Variants in DENND1C observed in about 807,000 individuals in gnomAD.
The protein encoded by DENND1C is DENN domain containing 1C, also known as DENN domain-containing protein 1C.
A neutral mutation model predicts 87.9 loss-of-function variants in DENND1C; 64 were observed. The ratio of observed to expected loss-of-function variants is 0.73; its 90% confidence interval spans 0.60 to 0.90. The LOEUF (loss-of-function observed/expected upper bound fraction) is 0.90, where lower values mean the gene tolerates loss of function less well. Ranked by LOEUF, DENND1C falls within the 40% of genes least tolerant of loss-of-function variation. The pLI, the probability that DENND1C is intolerant of heterozygous loss-of-function variation, is 0.00. For missense variants in DENND1C, 980 were observed against 1,037.0 expected (o/e 0.95, Z 0.76); for synonymous variants, 384 against 424.4 (o/e 0.90, Z 1.17).
At chr19:6,480,452 ATCTC>A (rs972270244) in intron 1 of DENND1C, 1,112 of 971,952 alleles carry the variant, frequency 1.1e-3, no homozygotes, top group Non-Finnish European at 1.2e-3. Context: ...AGTGAATTAC[ATCTC>A]TCTCTCTCTA....
intron 1 of DENND1C, chr19:6,480,326 G>C: frequency 7.3e-7 from 1 of 1,376,002 alleles, no homozygotes; most frequent in Admixed American, 3.1e-5. Flanking sequence ...GCTTTTGTGA[G>C]CAGGCAGTGT....
In DENND1C at chr19:6,475,638, G is replaced by A. The variant is rs911139622; in HGVS notation, c.826-53C>T. 1.9e-6 allele frequency: 3 copies of A among 1,613,136 alleles called. No individual in the cohort carries two copies. The African/African-American group carries it at 4.0e-5, about 22-fold the overall frequency. Reference sequence around the variant, plus strand: ...GAGCCCGGGAGTCCTTGGCAGAGGAGGGCATCTGGGGATGTAGAGGAAGGG... The same window carrying A: ...GAGCCCGGGAGTCCTTGGCAGAGGAAGGCATCTGGGGATGTAGAGGAAGGG... On this transcript the variant is annotated intron_variant, in intron 12 of 22. Transcript: ENST00000381480.
At chr19:6,471,104 C>T (rs568881409) in intron 17 of DENND1C, among the ~76,000 whole-genome samples, 161 bp downstream of exon 17, 2 of 151,654 alleles carry the variant, frequency 1.3e-5, no homozygotes, top group African/African-American at 4.8e-5. Context: ...TACAGCTACA[C>T]CTAGCGAATT....
rs566949161 is a variant in DENND1C, at chr19:6,472,781, C to A, written c.1158+108G>T. On this transcript the variant is annotated intron_variant, in intron 15 of 22. Transcript: ENST00000381480. ...TCCTGCTGGACTGTCTCCAGCTATA[C>A]CCTCAGGGACCCAGGAGTCTGCCCT... 25 of 884,592 alleles carry A rather than the reference C, an allele frequency of 2.8e-5. No individual in the cohort carries two copies. The African/African-American group carries it at 4.0e-4, about 14-fold the overall frequency. 54.8% of individuals were successfully genotyped at this position (884,592 alleles called of 1,614,324 possible).
chr19:6,467,306 T>A lies in DENND1C; in HGVS notation c.*198A>T. 1.5e-6 allele frequency: 1 copy of A among 663,132 alleles called. No homozygotes were observed. 41.1% of individuals were successfully genotyped at this position (663,132 alleles called of 1,614,324 possible). A position where few individuals can be genotyped will look rare whatever the true frequency, so the allele number is the denominator to read the frequency against. The stretch of plus-strand genomic sequence containing the variant: ...GAGAGGAATTGTAAGGTTGCCAGGA[T>A]TCTAGAAGACCAGGAGGCTTCCTGG... On this transcript the variant is annotated 3_prime_UTR_variant, in exon 23 of 23. Coordinates refer to ENST00000381480, the MANE Select transcript of DENND1C (RefSeq NM_024898.4).
At chr19:6,476,995 T>G in intron 9 of DENND1C, 28 bp from the exon 10 acceptor site, 2 of 1,613,546 alleles carry the variant, frequency 1.2e-6, no homozygotes, top group Middle Eastern at 1.7e-4. Flanking sequence ...GCTCTGGGCG[T>G]GGACGGGCCC....
chr19:6,475,464 G>C lies in DENND1C; in HGVS notation c.927+20C>G. ...GCCCCTCGCCTCCCGGGGCAGGAAG[G>C]TGGGAGGGGCGACACTGACCACGTC... On this transcript the variant is annotated intron_variant, in intron 13 of 22. Coordinates refer to ENST00000381480, the MANE Select transcript of DENND1C (RefSeq NM_024898.4). 1.9e-6 allele frequency: 3 copies of C among 1,613,788 alleles called. No individual in the cohort carries two copies. Among genetic ancestry groups the C allele is most frequent in the Non-Finnish European group, 2.5e-6 (3 of 1,179,830 alleles).
Position 6,476,856 on chromosome 19 carries a change from C to A in DENND1C, c.678+1G>T, listed in dbSNP as rs1414523270. ...CCCCGGCCCGGCGGACCCCGCCTCA[C>A]GGTGCTGAGTTTGCTGGCGGTGAGC... On this transcript the variant is annotated splice_donor_variant, in intron 10 of 22. Coordinates refer to ENST00000381480, the MANE Select transcript of DENND1C (RefSeq NM_024898.4). LOFTEE classifies it high-confidence loss of function. 2.5e-6 allele frequency: 4 copies of A among 1,610,364 alleles called. No individual in the cohort carries two copies. Among genetic ancestry groups the A allele is most frequent in the Non-Finnish European group, 3.4e-6 (4 of 1,179,074 alleles).
intron 17 of DENND1C, among the ~76,000 whole-genome samples, 151 bp downstream of exon 17, chr19:6,471,112 ATT>A (rs202082317): frequency 2.7e-5 from 4 of 146,446 alleles, no homozygotes; most frequent in Non-Finnish European, 4.5e-5. Flanking sequence ...CACCTAGCGA[ATT>A]TTTTTTTTTT....
chr19:6,481,732 C>G lies in DENND1C; in HGVS notation c.-37G>C. 6.5e-7 allele frequency: 1 copy of G among 1,541,292 alleles called. No homozygotes were observed. Among genetic ancestry groups the G allele is most frequent in the Non-Finnish European group, 8.7e-7 (1 of 1,147,360 alleles). ...GGCCAGCCCAGCGGGGCCCTCTCCC[C>G]AGGGGTCCTGGGGGCCTGTGTATGC... On this transcript the variant is annotated 5_prime_UTR_variant, in exon 1 of 23. Coordinates refer to ENST00000381480, the MANE Select transcript of DENND1C (RefSeq NM_024898.4).
Position 6,479,351 on chromosome 19 carries a change from G to GT in DENND1C, c.177-296_177-295insA, listed in dbSNP as rs1312062095. ...TGAGTCCCTGAGTCCCTGAGTCCCT[G>GT]GTCCCTGAGTTTCTGAGTCTCTGGG... On this transcript the variant is annotated intron_variant, in intron 4 of 22. Transcript: ENST00000381480. 2.9e-4 allele frequency among the ~76,000 whole-genome samples: 43 copies of GT among 148,092 alleles called. 1 individual carries two copies. Among genetic ancestry groups the GT allele is most frequent in the African/African-American group, 1.0e-3 (40 of 38,392 alleles).
rs1242908210 is a variant in DENND1C at position 6,478,817 on chromosome 19, A to C, written c.332T>G (p.Leu111Trp). ...GGCTAGGAGGTCTCCCACTGTGTTC[A>C]ATAGCTTGTAAAACACCTCGAACCA... ...LPWFEVFYKL[L>W]NTVGDLLAQD... The change falls in exon 6 of 23, where the codon TTG becomes TGG. Residue 111 changes from leucine to tryptophan, a missense_variant. Coordinates refer to ENST00000381480, the MANE Select transcript of DENND1C (RefSeq NM_024898.4). 5.0e-6 allele frequency: 8 copies of C among 1,613,412 alleles called. No homozygotes were observed. Among genetic ancestry groups the C allele is most frequent in the Non-Finnish European group, 6.8e-6 (8 of 1,179,734 alleles).
chr19:6,480,180 G>A (rs949104074), intron 1 of DENND1C, 129 bp from the exon 2 acceptor site: 3 of 1,492,344 alleles, frequency 2.0e-6, no homozygotes, highest in African/African-American at 1.4e-5. Flanking sequence ...GACTCTGGGG[G>A]TTTGTGGCTG....
intron 18 of DENND1C, 85 bp downstream of exon 18, chr19:6,470,210 T>C (rs971744535): frequency 4.3e-6 from 6 of 1,383,698 alleles, no homozygotes; most frequent in Non-Finnish European, 6.0e-6. Context: ...AGGGTCAAAA[T>C]ACTCCATCCT....
chr19:6,472,147 G>A (rs1470148603), intron 15 of DENND1C, among the ~76,000 whole-genome samples: 1 of 152,028 alleles, frequency 6.6e-6, no homozygotes, highest in Admixed American at 6.6e-5. Flanking sequence ...TTCTCCCAGG[G>A]GCCTAGAAGT....
chr19:6,474,458 C>T (rs1014907654), intron 14 of DENND1C, among the ~76,000 whole-genome samples: 2 of 152,136 alleles, frequency 1.3e-5, no homozygotes, highest in Non-Finnish European at 2.9e-5. Flanking sequence ...ATCAAGGCCC[C>T]GGCTTCAACA....
chr19:6,479,737 G>A lies in DENND1C; in HGVS notation c.127-19C>T, dbSNP rs373035364. On this transcript the variant is annotated intron_variant, in intron 3 of 22. Coordinates refer to ENST00000381480, the MANE Select transcript of DENND1C (RefSeq NM_024898.4). ...TAGCTTCCTGGAGGTGAAGAAAAGC[G>A]CAGACTGCTTGGCCACTGAGGTCGG... 73 of 1,613,858 alleles carry A rather than the reference G, an allele frequency of 4.5e-5. No individual in the cohort carries two copies. The African/African-American group carries it at 5.7e-4, about 13-fold the overall frequency.
intron 1 of DENND1C, chr19:6,480,452 ATCTCTC>A: frequency 1.0e-6 from 1 of 974,476 alleles, no homozygotes; most frequent in Non-Finnish European, 1.2e-6. Flanking sequence ...AGTGAATTAC[ATCTCTC>A]TCTCTCTATA....
intron 18 of DENND1C, 84 bp from the exon 19 acceptor site, chr19:6,469,724 C>CTT (rs372634707): frequency 2.2e-4 from 292 of 1,303,632 alleles, no homozygotes; most frequent in Middle Eastern, 6.5e-4. Context: ...CCTAAGATAG[C>CTT]TTTTTTTTTT....
Sources: allele counts gnomAD v4.1 joint callset (sites outside exome capture counted in the v4.1 genomes callset), GRCh38; gene constraint gnomAD v4.1.1; transcripts MANE v1.5; gene names NCBI Gene and HGNC (gene_info 2026-07-23, HGNC 2026-07-21).